Variants in DGKI observed in about 807,000 individuals in gnomAD.
DGKI encodes DAG kinase iota.
Under a neutral mutation model 147.5 loss-of-function variants are expected in DGKI, and 55 were observed. That is an observed-to-expected ratio of 0.37 (90% CI 0.30 to 0.47). DGKI has a LOEUF of 0.47. Among genes scored for constraint, DGKI ranks in the 20% least tolerant of loss-of-function variants. The pLI is 1.00. For missense variants in DGKI, 1,007 were observed against 1,323.8 expected (o/e 0.76, Z 3.71); for synonymous variants, 469 against 477.1 (o/e 0.98, Z 0.22).
intron 21 of DGKI, among the ~76,000 whole-genome samples, chr7:137,506,281 C>T (rs1004793893): frequency 2.1e-4 from 32 of 151,946 alleles, no homozygotes; most frequent in African/African-American, 2.4e-4. Context: ...TAAAAAGAAA[C>T]GAGCTATAAA....
intron 5 of DGKI, among the ~76,000 whole-genome samples, chr7:137,650,518 G>A (rs548679133): frequency 1.1e-4 from 16 of 152,264 alleles, no homozygotes; most frequent in South Asian, 1.0e-3. Context: ...AAACCCCAAC[G>A]CAATGGTAAT....
intron 1 of DGKI, among the ~76,000 whole-genome samples, chr7:137,826,568 G>A (rs1389023767): frequency 6.6e-6 from 1 of 152,194 alleles, no homozygotes; most frequent in East Asian, 1.9e-4. Context: ...CAATGTTTAA[G>A]CTGCTTGACT....
chr7:137,630,184 G>A (rs1450670946), intron 6 of DGKI, among the ~76,000 whole-genome samples: 1 of 151,990 alleles, frequency 6.6e-6, no homozygotes, highest in Non-Finnish European at 1.5e-5. Context: ...TATCTTTTAT[G>A]GCATTAATAA....
intron 21 of DGKI, among the ~76,000 whole-genome samples, chr7:137,518,699 G>A (rs1816862654): frequency 6.6e-6 from 1 of 152,074 alleles, no homozygotes. Flanking sequence ...TCAAACTGAA[G>A]TTTAACCAGT....
At chr7:137,828,344 T>C (rs1031668455) in intron 1 of DGKI, among the ~76,000 whole-genome samples, 2 of 152,250 alleles carry the variant, frequency 1.3e-5, no homozygotes, top group Non-Finnish European at 2.9e-5. Context: ...TCCATATCTA[T>C]TCTTACAACT....
chr7:137,729,044 T>TAAA (rs1457281976), intron 1 of DGKI, among the ~76,000 whole-genome samples: 1 of 151,994 alleles, frequency 6.6e-6, no homozygotes, highest in African/African-American at 2.4e-5. Flanking sequence ...CTAGAGAAGA[T>TAAA]AAAAACTTAA....
At chr7:137,650,052 T>G (rs1467444375) in intron 5 of DGKI, among the ~76,000 whole-genome samples, 16 of 152,134 alleles carry the variant, frequency 1.1e-4, no homozygotes, top group Admixed American at 1.0e-3. Context: ...AAATGTTCTT[T>G]CATTTACTAA....
chr7:137,776,868 A>C (rs1796377840), intron 1 of DGKI, among the ~76,000 whole-genome samples: 1 of 152,042 alleles, frequency 6.6e-6, no homozygotes, highest in Non-Finnish European at 1.5e-5. Flanking sequence ...GAGTAATGAG[A>C]TAATAATCAA....
intron 1 of DGKI, among the ~76,000 whole-genome samples, chr7:137,745,839 A>G (rs1795309941): frequency 6.6e-6 from 1 of 152,232 alleles, no homozygotes; most frequent in Non-Finnish European, 1.5e-5. Flanking sequence ...TTCATTGGTG[A>G]AAACGTGAAG....
At chr7:137,712,130 T>C (rs577153119) in intron 1 of DGKI, among the ~76,000 whole-genome samples, 1 of 152,248 alleles carries the variant, frequency 6.6e-6, no homozygotes, top group African/African-American at 2.4e-5. Context: ...TAAATGTTAA[T>C]AAAAAGCAAG....
intron 20 of DGKI, among the ~76,000 whole-genome samples, chr7:137,551,060 C>T (rs745883299): frequency 1.3e-5 from 2 of 152,008 alleles, no homozygotes; most frequent in Non-Finnish European, 2.9e-5. Flanking sequence ...GAGGAATGAG[C>T]GAGGAGTTTC....
At chr7:137,559,317 C>G (rs1039302239) in intron 19 of DGKI, among the ~76,000 whole-genome samples, 1 of 151,604 alleles carries the variant, frequency 6.6e-6, no homozygotes, top group African/African-American at 2.4e-5. Flanking sequence ...GTGATCTGCC[C>G]GCCTCGGCCT....
At chr7:137,765,365 C>G (rs917884343) in intron 1 of DGKI, among the ~76,000 whole-genome samples, 2 of 152,160 alleles carry the variant, frequency 1.3e-5, no homozygotes, top group Non-Finnish European at 1.5e-5. Context: ...TTTAACCCAG[C>G]ATTCCAGCAT....
chr7:137,779,489 G>T (rs1202108551), intron 1 of DGKI, among the ~76,000 whole-genome samples: 1 of 152,038 alleles, frequency 6.6e-6, no homozygotes, highest in African/African-American at 2.4e-5. Flanking sequence ...AAAAGTTTTT[G>T]CTTATAAAAA....
intron 27 of DGKI, among the ~76,000 whole-genome samples, chr7:137,447,800 T>C (rs764195408): frequency 9.2e-5 from 14 of 152,130 alleles, no homozygotes; most frequent in Non-Finnish European, 1.9e-4. Context: ...GAGCAGGCAG[T>C]GGAGAGTGAA....
chr7:137,648,053 C>T (rs901878415), intron 5 of DGKI, among the ~76,000 whole-genome samples: 1 of 147,160 alleles, frequency 6.8e-6, no homozygotes, highest in Non-Finnish European at 1.5e-5. Context: ...AGGGCTCACG[C>T]TATTCAACAT....
chr7:137,519,806 C>T (rs188830163), intron 21 of DGKI, among the ~76,000 whole-genome samples: 67 of 152,124 alleles, frequency 4.4e-4, no homozygotes, highest in African/African-American at 1.1e-3. Context: ...GCACCATCAC[C>T]GCATATTAAA....
intron 2 of DGKI, among the ~76,000 whole-genome samples, chr7:137,682,527 T>G (rs897998294): frequency 3.3e-5 from 5 of 152,298 alleles, no homozygotes; most frequent in South Asian, 4.1e-4. Flanking sequence ...TTCATTATAT[T>G]TATTATTGTT....
chr7:137,422,657 T>C (rs1275761528), intron 28 of DGKI, among the ~76,000 whole-genome samples: 1 of 124,724 alleles, frequency 8.0e-6, no homozygotes, highest in African/African-American at 3.0e-5. Flanking sequence ...CAGACTGGAG[T>C]GCAGTGGCGC....
Sources: gnomAD v4.1 joint callset for allele counts (sites outside exome capture counted in the v4.1 genomes callset) on GRCh38, gnomAD v4.1.1 for gene constraint, MANE v1.5 for transcripts, NCBI Gene and HGNC (gene_info 2026-07-23, HGNC 2026-07-21) for gene names.